Variants in MARCHF5 observed in about 807,000 individuals in gnomAD.
MARCHF5 encodes E3 ubiquitin-protein ligase MARCHF5.
MARCHF5 carries 5 observed loss-of-function variants against 36.5 expected under a neutral mutation model. The ratio of observed to expected loss-of-function variants is 0.14; its 90% CI spans 0.07 to 0.29. MARCHF5 has a LOEUF of 0.29. MARCHF5 is among the 10% of genes least tolerant of loss of function. The pLI is 1.00. For missense variants in MARCHF5, 179 were observed against 336.3 expected (o/e 0.53, Z 3.66); for synonymous variants, 103 against 109.9 (o/e 0.94, Z 0.39).
intron 1 of MARCHF5, among the ~76,000 whole-genome samples, chr10:92,299,215 G>C (rs1004279085): frequency 1.3e-5 from 2 of 151,898 alleles, no homozygotes; most frequent in African/African-American, 4.8e-5. Flanking sequence ...TTTTTCACTT[G>C]GTCCAGTTTG....
chr10:92,331,941 G>GTGTATATATAATCA (rs1564951035), intron 2 of MARCHF5, among the ~76,000 whole-genome samples: 1 of 129,942 alleles, frequency 7.7e-6, no homozygotes, highest in African/African-American at 2.8e-5. Context: ...ATATATAATC[G>GTGTATATATAATCA]TATATATATG....
At chr10:92,335,564 A>G (rs1002895573) in intron 2 of MARCHF5, among the ~76,000 whole-genome samples, 1 of 152,242 alleles carries the variant, frequency 6.6e-6, no homozygotes, top group East Asian at 1.9e-4. Flanking sequence ...CCAAGACAGA[A>G]TTTTGTCAGA....
intron 2 of MARCHF5, among the ~76,000 whole-genome samples, chr10:92,328,801 T>TTATATATA (rs748902839): frequency 5.1e-5 from 7 of 137,278 alleles, no homozygotes; most frequent in African/African-American, 1.1e-4. Flanking sequence ...AGTGAGGTTA[T>TTATATATA]TATATATATA....
chr10:92,320,697 A>G (rs957877494), intron 2 of MARCHF5, among the ~76,000 whole-genome samples: 1 of 151,976 alleles, frequency 6.6e-6, no homozygotes, highest in African/African-American at 2.4e-5. Flanking sequence ...GCACAACTGT[A>G]CAATATGTGT....
Position 92,340,681 on chromosome 10 carries a change from G to C in MARCHF5, c.247G>C (p.Val83Leu). 1 of 1,610,380 alleles carries C rather than the reference G, an allele frequency of 6.2e-7. No homozygotes were observed. The highest frequency in any genetic ancestry group is 8.5e-7 in the Non-Finnish European group (1 of 1,178,878). The change falls in exon 3 of 6, where the codon GTT becomes CTT. Residue 83 changes from valine to leucine, a missense_variant. By Grantham distance (32) the Val-to-Leu change is conservative. Around this residue, in one of 3 missense-constraint regions of MARCHF5, gnomAD observed 66 missense variants for 180.5 expected, o/e 0.37. Coordinates refer to ENST00000358935, the MANE Select transcript of MARCHF5 (RefSeq NM_017824.5). ...TTTTCTGTGTGTTATAGGTCCAGTGGTTTACGTCTTGGATCTTGCAGATAG... is the reference window on the plus strand; with the variant it reads ...TTTTCTGTGTGTTATAGGTCCAGTGCTTTACGTCTTGGATCTTGCAGATAG... ...LIVFPKLGPVVYVLDLADRLI... is the reference protein window; with the variant it reads ...LIVFPKLGPVLYVLDLADRLI...
At chr10:92,305,418 A>G (rs1473884790) in intron 1 of MARCHF5, among the ~76,000 whole-genome samples, 1 of 152,106 alleles carries the variant, frequency 6.6e-6, no homozygotes, top group Non-Finnish European at 1.5e-5. Context: ...AAAAAAAAAA[A>G]GAATATTTAC....
intron 2 of MARCHF5, among the ~76,000 whole-genome samples, chr10:92,313,438 A>C (rs1390052121): frequency 6.6e-6 from 1 of 151,358 alleles, no homozygotes; most frequent in East Asian, 2.0e-4. Context: ...CCCCATCTCT[A>C]CTAAAAATAC....
chr10:92,300,726 G>C (rs1424476059), intron 1 of MARCHF5, among the ~76,000 whole-genome samples: 1 of 151,992 alleles, frequency 6.6e-6, no homozygotes, highest in Non-Finnish European at 1.5e-5. Flanking sequence ...GGTGGTTTTT[G>C]TTTTTGGGTT....
At chr10:92,314,001 T>A (rs1036121541) in intron 2 of MARCHF5, among the ~76,000 whole-genome samples, 2 of 151,964 alleles carry the variant, frequency 1.3e-5, no homozygotes, top group Non-Finnish European at 2.9e-5. Context: ...AGGATCAGCC[T>A]AGGCAACATA....
At chr10:92,316,418 G>C (rs1172710655) in intron 2 of MARCHF5, among the ~76,000 whole-genome samples, 3 of 152,114 alleles carry the variant, frequency 2.0e-5, no homozygotes, top group Admixed American at 2.0e-4. Context: ...AGCCAAGCCA[G>C]TTGTATGTAT....
chr10:92,298,898 CAG>C (rs1187692775), intron 1 of MARCHF5, among the ~76,000 whole-genome samples: 11 of 152,076 alleles, frequency 7.2e-5, no homozygotes, highest in Non-Finnish European at 1.6e-4. Context: ...GTTAAAGAAA[CAG>C]GGTCTTGCAC....
chr10:92,308,887 A>G lies in MARCHF5; in HGVS notation c.36-2248A>G, dbSNP rs541295089. Among the ~76,000 whole-genome samples the G allele has an allele frequency of 2.6e-5, 4 of 152,084 alleles. No individual in the cohort carries two copies. The East Asian group carries it at 5.8e-4, about 22-fold the overall frequency. On this transcript the variant is annotated intron_variant, in intron 1 of 5. Transcript: ENST00000358935. Reference sequence around the variant, plus strand: ...GCCCAACTAATTTTTTTGTATTTTTAGTAGAGACAGGGTTTCACCGTGTTA... The same window carrying G: ...GCCCAACTAATTTTTTTGTATTTTTGGTAGAGACAGGGTTTCACCGTGTTA...
At chr10:92,311,523 A>G (rs1367853043) in intron 2 of MARCHF5, among the ~76,000 whole-genome samples, 186 bp downstream of exon 2, 1 of 152,138 alleles carries the variant, frequency 6.6e-6, no homozygotes. Flanking sequence ...TCCTTAATAT[A>G]TCCCCAAATT....
intron 1 of MARCHF5, among the ~76,000 whole-genome samples, chr10:92,293,187 C>T (rs1284925260): frequency 6.6e-6 from 1 of 152,052 alleles, no homozygotes; most frequent in Non-Finnish European, 1.5e-5. Flanking sequence ...CTCACTGCAA[C>T]CCCCGCCTCC....
intron 1 of MARCHF5, among the ~76,000 whole-genome samples, chr10:92,308,206 G>C (rs551129355): frequency 1.3e-5 from 2 of 152,190 alleles, no homozygotes; most frequent in African/African-American, 4.8e-5. Flanking sequence ...CTCCCAAAGT[G>C]CTGGGATTAT....
rs143689267 is a variant in MARCHF5, at chr10:92,315,836, T to G, written c.238+4499T>G. 2.0e-3 allele frequency among the ~76,000 whole-genome samples: 299 copies of G among 152,304 alleles called. 1 individual carries two copies. The highest frequency in any genetic ancestry group is 7.0e-3 in the African/African-American group (291 of 41,570). ...TGTGGAAGTATGTTAGCCCTTTCCT[T>G]TTCATTTTCCTTATTATGATAGTGT... is the stretch of plus-strand genomic sequence containing the variant. On this transcript the variant is annotated intron_variant, in intron 2 of 5. Coordinates refer to ENST00000358935, the MANE Select transcript of MARCHF5 (RefSeq NM_017824.5).
chr10:92,340,824 A>C (rs41313479), intron 3 of MARCHF5, 21 bp downstream of exon 3: 1 of 1,571,188 alleles, frequency 6.4e-7, no homozygotes, highest in Non-Finnish European at 8.6e-7. Flanking sequence ...TTACCTATAT[A>C]GTGATATTAC....
intron 1 of MARCHF5, among the ~76,000 whole-genome samples, chr10:92,310,564 T>A (rs1843132937): frequency 6.6e-6 from 1 of 152,070 alleles, no homozygotes; most frequent in African/African-American, 2.4e-5. Flanking sequence ...AAAAAAAAAA[T>A]CTTGATATAT....
At chr10:92,294,252 C>T (rs1459951183) in intron 1 of MARCHF5, among the ~76,000 whole-genome samples, 1 of 152,154 alleles carries the variant, frequency 6.6e-6, no homozygotes, top group African/African-American at 2.4e-5. Context: ...CACTTACTAG[C>T]TATGTGACTT....
Sources: allele counts gnomAD v4.1 joint callset (sites outside exome capture counted in the v4.1 genomes callset), GRCh38; gene constraint gnomAD v4.1.1; regional missense constraint gnomAD v4.1.1; transcripts MANE v1.5; gene names NCBI Gene and HGNC (gene_info 2026-07-23, HGNC 2026-07-21).